Variants in UTRN observed in about 807,000 individuals in gnomAD.
UTRN encodes the protein dystrophin-related protein 1.
UTRN carries 283 observed loss-of-function variants against 463.9 expected under a neutral mutation model. The observed-to-expected ratio is 0.61, with a 90% CI of 0.55 to 0.67. The LOEUF (loss-of-function observed/expected upper bound fraction) is 0.67. Among genes scored for constraint, UTRN ranks in the 30% least tolerant of loss-of-function variants. The pLI is 0.00. For missense variants in UTRN, 3,922 were observed against 4,084.3 expected, an observed-to-expected ratio of 0.96 and a Z score of 1.08; for synonymous variants, 1,442 against 1,431.5, an observed-to-expected ratio of 1.01 and a Z score of -0.17.
intron 65 of UTRN, among the ~76,000 whole-genome samples, chr6:144,814,270 A>G (rs949485724): frequency 6.6e-6 from 1 of 152,126 alleles, no homozygotes; most frequent in Admixed American, 6.6e-5. Flanking sequence ...CAGTGAGAAG[A>G]CGGCTGTGTA....
intron 51 of UTRN, among the ~76,000 whole-genome samples, chr6:144,619,855 A>G (rs1183897719): frequency 6.6e-6 from 1 of 152,182 alleles, no homozygotes; most frequent in Non-Finnish European, 1.5e-5. Flanking sequence ...CAGTTGAGTT[A>G]GAAATAAGGA....
intron 61 of UTRN, among the ~76,000 whole-genome samples, chr6:144,783,679 C>T (rs1256238450): frequency 3.9e-5 from 6 of 152,170 alleles, no homozygotes; most frequent in Non-Finnish European, 8.8e-5. Context: ...ACTTATTCCC[C>T]CTACCTATAT....
At chr6:144,590,393 A>G (rs1216531552) in intron 51 of UTRN, among the ~76,000 whole-genome samples, 1 of 152,150 alleles carries the variant, frequency 6.6e-6, no homozygotes, top group African/African-American at 2.4e-5. Flanking sequence ...CAAACGTTAA[A>G]TTATGTGTTC....
chr6:144,413,701 A>G (rs62427166), intron 3 of UTRN, among the ~76,000 whole-genome samples: 8,003 of 152,310 alleles, frequency 0.053, 340 homozygotes, highest in Non-Finnish European at 0.082. Context: ...TCAGTTGTAG[A>G]AATGTCTAGC....
Position 144,627,796 on chromosome 6 carries a change from GTTTTTT to G in UTRN, c.7479+50524_7479+50529del, listed in dbSNP as rs34178832. On this transcript the variant is annotated intron_variant, in intron 51 of 74. Coordinates refer to ENST00000367545, the MANE Select transcript of UTRN (RefSeq NM_007124.3). The stretch of plus-strand genomic sequence containing the variant: ...AGCACATTTCTGCATTTCCTTCTGT[GTTTTTT>G]TTTTTTTTTTTTTTTGAGGTGGAGT... Among the ~76,000 whole-genome samples the G allele has an allele frequency of 1.9e-3, 218 of 112,110 alleles. 1 individual carries two copies. The highest frequency in any genetic ancestry group is 7.2e-3 in the African/African-American group (211 of 29,134). The allele number at this position is 112,110 out of a possible 152,430, so 73.5% of individuals were successfully genotyped here.
rs79399419 is a variant in UTRN at position 144,517,623 on chromosome 6, G to C, written c.5541+675G>C. ...ATTTGATGACTTTGGAAATTAAGTAGATCGATTATGGTACTGTATTTTTAC... is the reference window on the plus strand; with the variant it reads ...ATTTGATGACTTTGGAAATTAAGTACATCGATTATGGTACTGTATTTTTAC... On this transcript the variant is annotated intron_variant, in intron 39 of 74. Coordinates refer to ENST00000367545, the MANE Select transcript of UTRN (RefSeq NM_007124.3). 2.5e-3 allele frequency among the ~76,000 whole-genome samples: 376 copies of C among 152,226 alleles called. 12 individuals carry two copies. The East Asian group carries it at 0.058, about 23-fold the overall frequency.
intron 34 of UTRN, among the ~76,000 whole-genome samples, chr6:144,509,790 A>C (rs1392042161): frequency 6.6e-6 from 1 of 152,166 alleles, no homozygotes; most frequent in Non-Finnish European, 1.5e-5. Flanking sequence ...TTTTCAATGT[A>C]ATCTTTTTTA....
chr6:144,665,323 T>C (rs1010618402), intron 51 of UTRN, among the ~76,000 whole-genome samples: 2 of 152,216 alleles, frequency 1.3e-5, no homozygotes, highest in African/African-American at 2.4e-5. Context: ...GAAATATTTT[T>C]GCTTACATAT....
intron 51 of UTRN, among the ~76,000 whole-genome samples, chr6:144,652,618 C>T (rs1478117348): frequency 2.0e-5 from 3 of 152,128 alleles, no homozygotes; most frequent in Non-Finnish European, 2.9e-5. Context: ...AACTTTAGAC[C>T]GTAGTATCAC....
rs185786990 is a variant in UTRN at position 144,493,539 on chromosome 6, T to C, written c.4593+83T>C. On this transcript the variant is annotated intron_variant, in intron 33 of 74. Transcript: ENST00000367545. ...TCTCTCTCTCTCTCGTTCTCTCTCA[T>C]GTATTTTTAAATTTCATTTTTTGGA... 2,191 of 1,422,234 alleles carry C rather than the reference T, an allele frequency of 1.5e-3. 13 individuals are homozygous for C. The highest frequency in any genetic ancestry group is 7.9e-3 in the South Asian group (461 of 58,412). The allele number at this position is 1,422,234 out of a possible 1,614,324, so 88.1% of individuals were successfully genotyped here. A position where few individuals can be genotyped will look rare whatever the true frequency, so the allele number is the denominator to read the frequency against.
At chr6:144,709,964 C>T (rs532317077) in intron 53 of UTRN, among the ~76,000 whole-genome samples, 2 of 152,228 alleles carry the variant, frequency 1.3e-5, no homozygotes, top group East Asian at 3.9e-4. Flanking sequence ...ATCCATCCAC[C>T]CACCTATCCA....
intron 2 of UTRN, among the ~76,000 whole-genome samples, chr6:144,357,941 C>G (rs6914753): frequency 6.6e-6 from 1 of 152,158 alleles, no homozygotes; most frequent in Non-Finnish European, 1.5e-5. Context: ...TGGCTCCCTC[C>G]CCGCCATCTT....
chr6:144,826,279 G>T (rs1033527390), intron 66 of UTRN, among the ~76,000 whole-genome samples: 1 of 151,992 alleles, frequency 6.6e-6, no homozygotes, highest in Non-Finnish European at 1.5e-5. Context: ...GCATCAACCT[G>T]CACTTCACTA....
chr6:144,684,706 A>G (rs1434749822), intron 52 of UTRN, among the ~76,000 whole-genome samples: 12 of 152,174 alleles, frequency 7.9e-5, no homozygotes, highest in Admixed American at 7.9e-4. Flanking sequence ...ATTGTTTTCA[A>G]CCTCATCAGT....
At chr6:144,838,928 T>A in intron 71 of UTRN, 1 of 383,152 alleles carries the variant, frequency 2.6e-6, no homozygotes, top group Admixed American at 4.3e-5. Context: ...AATTGAGGGA[T>A]AAAAATGGTG....
intron 73 of UTRN, among the ~76,000 whole-genome samples, chr6:144,843,552 C>G (rs1250967867): frequency 6.6e-6 from 1 of 152,050 alleles, no homozygotes; most frequent in Non-Finnish European, 1.5e-5. Context: ...TATAAAATTC[C>G]TATTGGTTGG....
chr6:144,366,053 A>G (rs1340287671), intron 2 of UTRN, among the ~76,000 whole-genome samples: 2 of 152,212 alleles, frequency 1.3e-5, no homozygotes, highest in African/African-American at 4.8e-5. Flanking sequence ...ATTTATTTTC[A>G]TTAACTTAAA....
rs546134410 is a variant in UTRN at position 144,576,959 on chromosome 6, A to G, written c.7290-140A>G. On this transcript the variant is annotated intron_variant, in intron 50 of 74. Coordinates refer to ENST00000367545, the MANE Select transcript of UTRN (RefSeq NM_007124.3). ...GATTATTCAAGACACACATACAGAT[A>G]AATCTCCCAGTTACCTATGGTGACT... 26 of 692,006 alleles carry G rather than the reference A, an allele frequency of 3.8e-5. No individual in the cohort carries two copies. In the East Asian group the frequency reaches 6.3e-4, roughly 17 times the overall value. 42.9% of individuals were successfully genotyped at this position (692,006 alleles called of 1,614,324 possible).
intron 51 of UTRN, among the ~76,000 whole-genome samples, chr6:144,584,118 C>A (rs1348274790): frequency 6.6e-6 from 1 of 152,150 alleles, no homozygotes; most frequent in Non-Finnish European, 1.5e-5. Context: ...ATTCTTAAAT[C>A]TCCATATATT....
Sources: gnomAD v4.1 joint callset for allele counts (sites outside exome capture counted in the v4.1 genomes callset) on GRCh38, gnomAD v4.1.1 for gene constraint, MANE v1.5 for transcripts, NCBI Gene and HGNC (gene_info 2026-07-23, HGNC 2026-07-21) for gene names.